DLGAP1: variants seen among roughly 807,000 people sequenced by gnomAD.
The protein encoded by DLGAP1 is DLG associated protein 1, also known as disks large-associated protein 1.
Under a neutral mutation model 90.8 loss-of-function variants are expected in DLGAP1, and 11 were observed. The ratio of observed to expected loss-of-function variants is 0.12; its 90% CI spans 0.08 to 0.20. The LOEUF (loss-of-function observed/expected upper bound fraction) is 0.20, where lower values mean the gene tolerates loss of function less well. Ranked by LOEUF, DLGAP1 falls within the 10% of genes least tolerant of loss-of-function variation. The pLI is 1.00. For synonymous variants in DLGAP1, 558 were observed against 540.7 expected, an observed-to-expected ratio of 1.03 and a Z score of -0.44; for missense variants, 1,050 against 1,333.8, an observed-to-expected ratio of 0.79 and a Z score of 3.31.
chr18:3,806,757 A>G (rs2066581635), intron 5 of DLGAP1, among the ~76,000 whole-genome samples: 1 of 152,190 alleles, frequency 6.6e-6, no homozygotes, highest in South Asian at 2.1e-4. Flanking sequence ...AGCACTACCT[A>G]AAGGAAGTGA....
chr18:4,273,607 T>A (rs1465358415), intron 1 of DLGAP1, among the ~76,000 whole-genome samples: 2 of 152,180 alleles, frequency 1.3e-5, no homozygotes, highest in African/African-American at 4.8e-5. Flanking sequence ...AATGCCTGGC[T>A]AATTTTTTGT....
chr18:3,814,065 G>A lies in DLGAP1; in HGVS notation c.1166C>T (p.Thr389Ile). The A allele has an allele frequency of 1.2e-6, 2 of 1,613,844 alleles. No homozygotes were observed. Among genetic ancestry groups the A allele is most frequent in the Non-Finnish European group, 1.7e-6 (2 of 1,179,796 alleles). The change falls in exon 5 of 13, where the codon ACA (threonine) becomes ATA (isoleucine). Residue 389 changes from threonine (T) to isoleucine (I), a missense_variant. Physicochemically the swap from Thr to Ile is moderately conservative, Grantham distance 89 (BLOSUM62 -1). Transcript: ENST00000315677. ...CAGGGTTAGGACTACTCACTTGAGT[G>A]TGGTGAGTTCTGTAAGGGATGGCTG... The part of the protein sequence containing the change: ...ATQPSLTELT[T>I]LKISNEHSPK...
At chr18:3,522,255 G>C (rs923318917) in intron 10 of DLGAP1, among the ~76,000 whole-genome samples, 20 of 150,124 alleles carry the variant, frequency 1.3e-4, no homozygotes, top group African/African-American at 4.9e-4. Flanking sequence ...TCCTGCCTCA[G>C]CCTCCCGAGT....
chr18:3,855,983 G>A (rs2069620037), intron 4 of DLGAP1, among the ~76,000 whole-genome samples: 2 of 152,178 alleles, frequency 1.3e-5, no homozygotes, highest in Non-Finnish European at 2.9e-5. Context: ...CAATACAGAA[G>A]AATCGTCTAC....
intron 5 of DLGAP1, among the ~76,000 whole-genome samples, chr18:3,802,191 G>T (rs2066334531): frequency 6.6e-6 from 1 of 151,588 alleles, no homozygotes; most frequent in African/African-American, 2.4e-5. Context: ...CACCATATTG[G>T]CCAGGCTGGT....
chr18:3,793,689 C>G (rs139311545), intron 5 of DLGAP1, among the ~76,000 whole-genome samples: 7 of 152,244 alleles, frequency 4.6e-5, no homozygotes, highest in African/African-American at 1.7e-4. Context: ...CTGTGGCCAC[C>G]CCTGCTCTCC....
chr18:3,781,952 A>C (rs1262097720), intron 5 of DLGAP1, among the ~76,000 whole-genome samples: 2 of 152,142 alleles, frequency 1.3e-5, no homozygotes, highest in Non-Finnish European at 2.9e-5. Flanking sequence ...ATTTGATTAA[A>C]ATACAGCTAT....
intron 10 of DLGAP1, among the ~76,000 whole-genome samples, chr18:3,525,669 G>A (rs1434570287): frequency 2.6e-5 from 4 of 152,184 alleles, no homozygotes; most frequent in African/African-American, 9.7e-5. Flanking sequence ...AAAGTGCTGG[G>A]ATTATAGGCA....
chr18:3,828,052 T>G (rs2067816203), intron 4 of DLGAP1, among the ~76,000 whole-genome samples: 1 of 152,244 alleles, frequency 6.6e-6, no homozygotes, highest in Non-Finnish European at 1.5e-5. Flanking sequence ...TACCTTTACT[T>G]TTACTGATTG....
chr18:3,562,855 GTC>G (rs890616408), intron 9 of DLGAP1, among the ~76,000 whole-genome samples: 4 of 151,790 alleles, frequency 2.6e-5, no homozygotes, highest in African/African-American at 9.7e-5. Context: ...TTGAGACACG[GTC>G]TCTCTCTGTC....
intron 2 of DLGAP1, among the ~76,000 whole-genome samples, chr18:4,127,240 G>A (rs528950648): frequency 6.6e-6 from 1 of 152,230 alleles, no homozygotes; most frequent in South Asian, 2.1e-4. Flanking sequence ...TCAAAGTAGG[G>A]TGTGGTACCG....
chr18:4,334,162 CG>C (rs2081017221), intron 1 of DLGAP1, among the ~76,000 whole-genome samples: 2 of 151,386 alleles, frequency 1.3e-5, no homozygotes, highest in South Asian at 2.1e-4. Context: ...TGCTTGAACC[CG>C]GGAGGCAGAG....
At chr18:3,548,178 T>G (rs1463535329) in intron 9 of DLGAP1, among the ~76,000 whole-genome samples, 1 of 152,210 alleles carries the variant, frequency 6.6e-6, no homozygotes, top group South Asian at 2.1e-4. Context: ...TGATGATGGT[T>G]GTACAATGTT....
chr18:3,995,420 C>T (rs867304515), intron 3 of DLGAP1: 1 of 152,172 alleles, frequency 6.6e-6, no homozygotes, highest in African/African-American at 2.4e-5. Flanking sequence ...CAATGCTCTA[C>T]TCTTTTGTAT....
rs73941453 is a variant in DLGAP1 at position 4,350,223 on chromosome 18, C to T, written c.-267+104783G>A. On this transcript the variant is annotated intron_variant, in intron 1 of 12. Transcript: ENST00000315677. ...TGCTAATTATTCCATCTGTTCAAAG[C>T]GTTTATTTCTTCTTTAAAAATGGAG... Among the ~76,000 whole-genome samples, 880 of 152,130 alleles carry T rather than the reference C, an allele frequency of 5.8e-3. 7 individuals are homozygous for T. The highest frequency in any genetic ancestry group is 0.018 in the African/African-American group (765 of 41,530).
chr18:4,090,731 C>T (rs2075761476), intron 2 of DLGAP1, among the ~76,000 whole-genome samples: 1 of 152,134 alleles, frequency 6.6e-6, no homozygotes, highest in South Asian at 2.1e-4. Flanking sequence ...ACCCAGCAAT[C>T]CCATCACTGG....
intron 1 of DLGAP1, among the ~76,000 whole-genome samples, chr18:4,388,576 G>A (rs2082281803): frequency 6.6e-6 from 1 of 152,084 alleles, no homozygotes; most frequent in African/African-American, 2.4e-5. Context: ...AGAAATTGGT[G>A]AAGAAAAATA....
intron 7 of DLGAP1, among the ~76,000 whole-genome samples, chr18:3,690,826 T>G (rs2060868912): frequency 6.6e-6 from 1 of 152,202 alleles, no homozygotes; most frequent in African/African-American, 2.4e-5. Flanking sequence ...AGGCTCTACA[T>G]CTCATGCTGC....
chr18:4,191,580 T>C (rs961921898), intron 1 of DLGAP1, among the ~76,000 whole-genome samples: 1 of 152,198 alleles, frequency 6.6e-6, no homozygotes, highest in Non-Finnish European at 1.5e-5. Context: ...AGAGTGGCCA[T>C]AGTGATCTCA....
Sources: gnomAD v4.1 joint callset for allele counts (sites outside exome capture counted in the v4.1 genomes callset) on GRCh38, gnomAD v4.1.1 for gene constraint, MANE v1.5 for transcripts, NCBI Gene and HGNC (gene_info 2026-07-23, HGNC 2026-07-21) for gene names.